The following SSBP3 variants were observed in gnomAD, a reference collection of about 807,000 sequenced individuals.
SSBP3 encodes single-stranded DNA-binding protein 3.
SSBP3 carries 5 observed loss-of-function variants against 69.6 expected under a neutral mutation model. That is an observed-to-expected ratio of 0.07 (90% confidence interval 0.04 to 0.15). The LOEUF (loss-of-function observed/expected upper bound fraction) is 0.15. Ranked by LOEUF, SSBP3 falls within the 10% of genes least tolerant of loss-of-function variation. The pLI, the probability that SSBP3 is intolerant of heterozygous loss-of-function variation, is 1.00. For missense variants in SSBP3, 312 were observed against 534.0 expected (o/e 0.58, Z 4.10); for synonymous variants, 196 against 193.4 (o/e 1.01, Z -0.11).
chr1:54,281,291 G>A, intron 5 of SSBP3, 147 bp downstream of exon 5: 1 of 647,012 alleles, frequency 1.5e-6, no homozygotes, highest in Non-Finnish European at 2.7e-6. Context: ...GAAAGGGATG[G>A]GAAGGGAAGG....
At chr1:54,360,023 C>G (rs1243898260) in intron 4 of SSBP3, among the ~76,000 whole-genome samples, 1 of 152,074 alleles carries the variant, frequency 6.6e-6, no homozygotes, top group Non-Finnish European at 1.5e-5. Flanking sequence ...ATTCTTAGGA[C>G]CTAGAACAGT....
At chr1:54,377,827 T>C (rs1647300921) in intron 4 of SSBP3, among the ~76,000 whole-genome samples, 1 of 152,190 alleles carries the variant, frequency 6.6e-6, no homozygotes, top group South Asian at 2.1e-4. Context: ...CAAAAACGCA[T>C]ATGAAGACCT....
chr1:54,235,448 ATTT>A (rs71580002), intron 14 of SSBP3, among the ~76,000 whole-genome samples: 19,763 of 68,576 alleles, frequency 0.29, 1,602 homozygotes, highest in Middle Eastern at 0.32. Context: ...TGCCCGGCTG[ATTT>A]TTTTTTTTTT....
intron 4 of SSBP3, among the ~76,000 whole-genome samples, chr1:54,387,629 G>A (rs1648187912): frequency 6.6e-6 from 1 of 152,162 alleles, no homozygotes; most frequent in Admixed American, 6.5e-5. Flanking sequence ...TAACCAGCAT[G>A]ATACAATCAG....
chr1:54,401,907 C>A (rs1649331200), exon 4 of SSBP3: 1 of 1,614,050 alleles, frequency 6.2e-7, no homozygotes, highest in Admixed American at 1.7e-5. Context: ...ACAAGTGTCT[C>A]TCCTTTCAGG....
Position 54,288,731 on chromosome 1 carries a change from TCCA to T in SSBP3, c.277-7207_277-7205del, listed in dbSNP as rs368233781. ...GCTCTAACATTAGTCCCTCTGTGCC[TCCA>T]CCTTTTATCTTGGGTTCAAAAAACA... is the stretch of plus-strand genomic sequence containing the variant. On this transcript the variant is annotated intron_variant, in intron 4 of 17. Coordinates refer to ENST00000610401, the Ensembl canonical transcript of SSBP3. 1.4e-3 allele frequency among the ~76,000 whole-genome samples: 216 copies of T among 152,184 alleles called. 1 individual carries two copies. The highest frequency in any genetic ancestry group is 3.8e-3 in the African/African-American group (158 of 41,530).
At chr1:54,233,587 G>A (rs1490223346) in intron 14 of SSBP3, among the ~76,000 whole-genome samples, 3 of 147,374 alleles carry the variant, frequency 2.0e-5, no homozygotes, top group African/African-American at 5.0e-5. Flanking sequence ...GGAGGGAGGT[G>A]GGGGGGTCAG....
intron 4 of SSBP3, among the ~76,000 whole-genome samples, chr1:54,354,399 AC>A (rs1420921473): frequency 1.3e-5 from 2 of 152,174 alleles, no homozygotes; most frequent in East Asian, 1.9e-4. Flanking sequence ...TCTGAGGGTC[AC>A]CCCACTGAAC....
At chr1:54,244,106 AT>A (rs547064575) in intron 9 of SSBP3, among the ~76,000 whole-genome samples, 211 of 142,994 alleles carry the variant, frequency 1.5e-3, no homozygotes, top group South Asian at 7.8e-3. Flanking sequence ...ATTTTCGATG[AT>A]TTTTTTTTTT....
intron 4 of SSBP3, among the ~76,000 whole-genome samples, chr1:54,364,529 A>C (rs1281426531): frequency 2.6e-5 from 4 of 152,190 alleles, no homozygotes; most frequent in Non-Finnish European, 5.9e-5. Flanking sequence ...TCAAAACAAA[A>C]CACCAGCAGC....
At chr1:54,242,233 T>C in intron 10 of SSBP3, 21 bp from the exon 11 acceptor site, 4 of 1,613,486 alleles carry the variant, frequency 2.5e-6, no homozygotes, top group Non-Finnish European at 3.4e-6. Context: ...GAGAAAGAGA[T>C]GTGGACAATG....
At chr1:54,308,207 A>C (rs1405422901) in intron 4 of SSBP3, among the ~76,000 whole-genome samples, 2 of 152,218 alleles carry the variant, frequency 1.3e-5, no homozygotes, top group African/African-American at 4.8e-5. Flanking sequence ...TAGTTCCAGC[A>C]CTTTGGGAGG....
At chr1:54,341,804 C>T (rs1417373258) in intron 4 of SSBP3, among the ~76,000 whole-genome samples, 1 of 151,876 alleles carries the variant, frequency 6.6e-6, no homozygotes, top group Admixed American at 6.5e-5. Context: ...AGGAAGTACC[C>T]TGTAGGCTGA....
chr1:54,256,820 T>C (rs544286047), intron 7 of SSBP3, among the ~76,000 whole-genome samples: 2 of 152,244 alleles, frequency 1.3e-5, no homozygotes, highest in South Asian at 4.1e-4. Context: ...GGGCAGGGCA[T>C]TACCATCTTC....
intron 4 of SSBP3, among the ~76,000 whole-genome samples, chr1:54,322,574 A>T (rs1030708307): frequency 6.6e-6 from 1 of 152,102 alleles, no homozygotes; most frequent in Non-Finnish European, 1.5e-5. Context: ...AAAATGCCCA[A>T]AGTCAAGCAG....
intron 4 of SSBP3, among the ~76,000 whole-genome samples, chr1:54,401,422 C>T (rs1045578950): frequency 2.6e-5 from 4 of 152,042 alleles, no homozygotes; most frequent in African/African-American, 9.7e-5. Flanking sequence ...TGAAAGATCG[C>T]TCTCTGGAAA....
intron 4 of SSBP3, among the ~76,000 whole-genome samples, chr1:54,293,643 C>T (rs185192836): frequency 5.7e-4 from 87 of 152,250 alleles, no homozygotes; most frequent in African/African-American, 2.0e-3. Flanking sequence ...CTGCAACACT[C>T]TTCTCCTCTC....
chr1:54,403,491 A>T (rs1473614146), intron 3 of SSBP3, among the ~76,000 whole-genome samples: 2 of 152,164 alleles, frequency 1.3e-5, no homozygotes, highest in Non-Finnish European at 2.9e-5. Context: ...AAAGCCTATC[A>T]CCCACTCCTA....
intron 5 of SSBP3, among the ~76,000 whole-genome samples, chr1:54,276,608 CAAAAAAAA>C (rs746933473): frequency 4.0e-4 from 14 of 35,222 alleles, no homozygotes; most frequent in African/African-American, 1.5e-3. Flanking sequence ...GACTCTGTCT[CAAAAAAAA>C]AAAAAAAAAA....
Sources: gnomAD v4.1 joint callset for allele counts (sites outside exome capture counted in the v4.1 genomes callset) on GRCh38, gnomAD v4.1.1 for gene constraint, MANE v1.5 for transcripts, NCBI Gene and HGNC (gene_info 2026-07-23, HGNC 2026-07-21) for gene names.